DPP10: variants seen among roughly 807,000 people sequenced by gnomAD.
The protein encoded by DPP10 is inactive dipeptidyl peptidase 10.
A neutral mutation model predicts 120.9 loss-of-function variants in DPP10; 33 were observed. That is an observed-to-expected ratio of 0.27 (90% confidence interval 0.21 to 0.37). DPP10 has a LOEUF of 0.37. Ranked by LOEUF, DPP10 falls within the 10% of genes least tolerant of loss-of-function variation. The pLI, the probability that DPP10 is intolerant of heterozygous loss-of-function variation, is 1.00. For missense variants in DPP10, 816 were observed against 942.8 expected (o/e 0.87, Z 1.76); for synonymous variants, 337 against 326.1 (o/e 1.03, Z -0.36).
chr2:114,457,750 C>G (rs373620128), intron 1 of DPP10, among the ~76,000 whole-genome samples: 1 of 152,030 alleles, frequency 6.6e-6, no homozygotes, highest in African/African-American at 2.4e-5. Context: ...TTTGCAAAGC[C>G]CCAACACTTA....
At chr2:114,771,313 T>C (rs902256416) in intron 1 of DPP10, among the ~76,000 whole-genome samples, 6 of 152,178 alleles carry the variant, frequency 3.9e-5, no homozygotes, top group Admixed American at 6.5e-5. Context: ...ATCATACCAG[T>C]GCTCAGGAGA....
At chr2:115,446,768 G>T (rs577278126) in intron 3 of DPP10, among the ~76,000 whole-genome samples, 1 of 152,152 alleles carries the variant, frequency 6.6e-6, no homozygotes, top group African/African-American at 2.4e-5. Flanking sequence ...TATTTTACTG[G>T]GGCCCATTGT....
intron 1 of DPP10, among the ~76,000 whole-genome samples, chr2:114,698,930 C>A (rs1700224575): frequency 6.6e-6 from 1 of 152,102 alleles, no homozygotes. Context: ...CAGTAACAGG[C>A]AATTCCCATT....
intron 5 of DPP10, among the ~76,000 whole-genome samples, chr2:115,637,754 C>T (rs2086463484): frequency 1.3e-5 from 2 of 152,106 alleles, no homozygotes; most frequent in African/African-American, 4.8e-5. Context: ...CCCCTGTGAC[C>T]TGGGGGGAAG....
chr2:115,586,412 AT>A (rs1238283356), intron 5 of DPP10, among the ~76,000 whole-genome samples: 4 of 152,324 alleles, frequency 2.6e-5, no homozygotes, highest in Admixed American at 2.6e-4. Context: ...ATAAAATACC[AT>A]TGTCATACAT....
At chr2:115,813,451 C>T (rs1020698180) in intron 19 of DPP10, among the ~76,000 whole-genome samples, 1 of 152,198 alleles carries the variant, frequency 6.6e-6, no homozygotes, top group South Asian at 2.1e-4. Flanking sequence ...TTAATGGGCA[C>T]CAGTCAGATT....
chr2:114,960,929 A>G (rs1698568559), intron 1 of DPP10, among the ~76,000 whole-genome samples: 1 of 152,142 alleles, frequency 6.6e-6, no homozygotes, highest in Non-Finnish European at 1.5e-5. Flanking sequence ...AAAATAGACA[A>G]CAAAAAAATC....
chr2:115,000,387 G>A (rs1300672274), intron 1 of DPP10, among the ~76,000 whole-genome samples: 3 of 151,842 alleles, frequency 2.0e-5, no homozygotes, highest in Non-Finnish European at 2.9e-5. Context: ...TTTCTTTTCC[G>A]GGAGTCAATA....
intron 1 of DPP10, among the ~76,000 whole-genome samples, chr2:114,626,067 AT>A (rs1292322366): frequency 6.6e-6 from 1 of 151,560 alleles, no homozygotes; most frequent in Non-Finnish European, 1.5e-5. Context: ...GGGTTACAGT[AT>A]TTTAATTTAC....
chr2:114,742,811 CA>C (rs1241077876), intron 1 of DPP10, among the ~76,000 whole-genome samples: 1 of 152,220 alleles, frequency 6.6e-6, no homozygotes, highest in Non-Finnish European at 1.5e-5. Flanking sequence ...CTGGCTTCTT[CA>C]GGCAAATGCA....
chr2:115,469,864 C>T (rs1002238718), intron 3 of DPP10, among the ~76,000 whole-genome samples: 3 of 133,982 alleles, frequency 2.2e-5, no homozygotes, highest in Non-Finnish European at 4.7e-5. Context: ...CACCATTGCA[C>T]TCCAGCCTGG....
At chr2:114,669,997 A>G (rs961168461) in intron 1 of DPP10, among the ~76,000 whole-genome samples, 3 of 152,052 alleles carry the variant, frequency 2.0e-5, no homozygotes, top group African/African-American at 4.8e-5. Context: ...TTAGAATGGC[A>G]ATCATTAAAA....
chr2:114,566,710 A>T (rs979366966), intron 1 of DPP10, among the ~76,000 whole-genome samples: 6 of 152,210 alleles, frequency 3.9e-5, no homozygotes, highest in Non-Finnish European at 1.5e-5. Context: ...AGTCTCCCTT[A>T]AGTGAGTCAC....
intron 4 of DPP10, among the ~76,000 whole-genome samples, chr2:115,511,659 A>G (rs1237586160): frequency 7.0e-6 from 1 of 142,332 alleles, no homozygotes; most frequent in Non-Finnish European, 1.5e-5. Flanking sequence ...AGTTTAAGCT[A>G]TTAATTTGAG....
chr2:115,453,758 G>A (rs1200395415), intron 3 of DPP10, among the ~76,000 whole-genome samples: 1 of 151,206 alleles, frequency 6.6e-6, no homozygotes, highest in African/African-American at 2.4e-5. Flanking sequence ...GTTATTCAAA[G>A]CAAACAGAAG....
At position 115,097,498 on chromosome 2, in the gene DPP10, A is replaced by T. The variant is rs1203920651; in HGVS notation, c.61-211741A>T. 2.6e-5 allele frequency among the ~76,000 whole-genome samples: 4 copies of T among 152,336 alleles called. No homozygotes were observed. In the East Asian group the frequency reaches 7.7e-4, roughly 29 times the overall value. ...CTAGTTAACAAACTATAAAATGAAC[A>T]TGTAATACATTAATCCCTCAATAAC... On this transcript the variant is annotated intron_variant, in intron 1 of 25. Coordinates refer to ENST00000410059, the MANE Select transcript of DPP10 (RefSeq NM_020868.6).
Position 115,603,570 on chromosome 2 carries a change from G to GTTT in DPP10, c.441+77610_441+77612dup, listed in dbSNP as rs61548055. ...GTTTTCGTTGTTGTTGTTTTTTTTT[G>GTTT]TTTTTTTTTTTTTTGGATTTCTTGA... On this transcript the variant is annotated intron_variant, in intron 5 of 25. Transcript: ENST00000410059. 6.9e-3 allele frequency among the ~76,000 whole-genome samples: 681 copies of GTTT among 99,122 alleles called. 7 individuals carry two copies. The highest frequency in any genetic ancestry group is 0.015 in the South Asian group (40 of 2,734). 65.0% of individuals were successfully genotyped at this position (99,122 alleles called of 152,430 possible). A position where few individuals can be genotyped will look rare whatever the true frequency, so the allele number is the denominator to read the frequency against.
chr2:114,895,930 C>T (rs1191440132), intron 1 of DPP10, among the ~76,000 whole-genome samples: 1 of 152,136 alleles, frequency 6.6e-6, no homozygotes, highest in Non-Finnish European at 1.5e-5. Flanking sequence ...AGGAAGGGAT[C>T]CAGTTTCAGC....
intron 3 of DPP10, among the ~76,000 whole-genome samples, chr2:115,436,912 T>C (rs1179553256): frequency 7.9e-5 from 12 of 151,942 alleles, no homozygotes; most frequent in Non-Finnish European, 1.3e-4. Context: ...TATTCTAGCC[T>C]ACCAATAGTA....
Sources: allele counts gnomAD v4.1 joint callset (sites outside exome capture counted in the v4.1 genomes callset), GRCh38; gene constraint gnomAD v4.1.1; transcripts MANE v1.5; gene names NCBI Gene and HGNC (gene_info 2026-07-23, HGNC 2026-07-21).